The following CEP135 variants were observed in gnomAD, a reference collection of about 807,000 sequenced individuals.
CEP135 encodes the protein centrosomal protein of 135 kDa.
In CEP135, 142 loss-of-function variants were observed where a neutral mutation model predicts 157.3. The observed-to-expected ratio is 0.90, with a 90% CI of 0.79 to 1.04. CEP135 has a LOEUF of 1.04. Among genes scored for constraint, CEP135 ranks in the 50% least tolerant of loss-of-function variants. CEP135 has a pLI of 0.00. For missense variants in CEP135, 1,317 were observed against 1,309.2 expected (o/e 1.01, Z -0.09); for synonymous variants, 396 against 439.8 (o/e 0.90, Z 1.25).
At chr4:55,987,143 T>C (rs2109693936) in intron 14 of CEP135, among the ~76,000 whole-genome samples, 1 of 152,292 alleles carries the variant, frequency 6.6e-6, no homozygotes, top group South Asian at 2.1e-4. Context: ...TTTTCACTAC[T>C]GAGATAAAAC....
chr4:55,983,748 C>T (rs1461552601), intron 13 of CEP135, among the ~76,000 whole-genome samples: 1 of 152,140 alleles, frequency 6.6e-6, no homozygotes, highest in Non-Finnish European at 1.5e-5. Flanking sequence ...TCTCAAACCC[C>T]TGACCTCAGG....
rs561656951 is a variant in CEP135, at chr4:56,018,000, G to A, written c.3012+143G>A. The stretch of plus-strand genomic sequence containing the variant: ...TTTTGTGATGGAGTTTTGCTCTGTC[G>A]CTTAGGCTGGTGGAGTTCAGTGGTG... On this transcript the variant is annotated intron_variant, in intron 22 of 25. Coordinates refer to ENST00000257287, the MANE Select transcript of CEP135 (RefSeq NM_025009.5). The A allele has an allele frequency of 4.3e-4, 302 of 708,160 alleles. 1 individual carries two copies. In the South Asian group the frequency reaches 4.8e-3, roughly 11 times the overall value. The allele number at this position is 708,160 out of a possible 1,614,324, so 43.9% of individuals were successfully genotyped here.
chr4:56,018,688 A>G (rs902638836), intron 22 of CEP135, among the ~76,000 whole-genome samples: 1 of 152,056 alleles, frequency 6.6e-6, no homozygotes, highest in African/African-American at 2.4e-5. Context: ...TGAGCCCAGG[A>G]TGTCGAGGCC....
intron 6 of CEP135, 68 bp from the exon 7 acceptor site, chr4:55,964,206 T>C (rs1728772113): frequency 2.1e-6 from 3 of 1,415,022 alleles, no homozygotes; most frequent in Non-Finnish European, 2.9e-6. Flanking sequence ...CAAATAAATG[T>C]TTGTACAGTG....
Position 55,985,354 on chromosome 4 carries a change from A to C in CEP135, c.1853A>C (p.His618Pro). The C allele has an allele frequency of 6.4e-7, 1 of 1,573,520 alleles. No individual in the cohort carries two copies. Among genetic ancestry groups the C allele is most frequent in the Non-Finnish European group, 8.7e-7 (1 of 1,146,858 alleles). ...ATTGAACATTTGACATGTGTTAATC[A>C]TCAGGTAATGTATCAAACTGGATTT... Reference protein sequence around the residue: ...KTIEHLTCVNHQLESEKYELK... With the variant: ...KTIEHLTCVNPQLESEKYELK... The change falls in exon 14 of 26, where the codon CAT (histidine) becomes CCT (proline). Residue 618 changes from histidine to proline, a missense_variant. By Grantham distance (77) the His-to-Pro change is moderately conservative (BLOSUM62 -2). Coordinates refer to ENST00000257287, the MANE Select transcript of CEP135 (RefSeq NM_025009.5).
intron 21 of CEP135, among the ~76,000 whole-genome samples, chr4:56,014,710 C>T (rs1448808822): frequency 6.6e-6 from 1 of 151,968 alleles, no homozygotes; most frequent in East Asian, 1.9e-4. Context: ...AGAAATGGAG[C>T]AAGGAACTGA....
At chr4:55,958,923 A>C (rs1033387586) in intron 5 of CEP135, among the ~76,000 whole-genome samples, 1 of 152,106 alleles carries the variant, frequency 6.6e-6, no homozygotes, top group African/African-American at 2.4e-5. Context: ...TCTCTCTACA[A>C]AAAATTTAAA....
At chr4:56,009,642 T>G (rs1280807927) in intron 18 of CEP135, 93 bp from the exon 19 acceptor site, 5 of 1,067,738 alleles carry the variant, frequency 4.7e-6, no homozygotes, top group Non-Finnish European at 6.7e-6. Context: ...AGTATATTTG[T>G]ATTCTAAGTA....
intron 21 of CEP135, among the ~76,000 whole-genome samples, chr4:56,013,126 A>G (rs183188451): frequency 5.9e-5 from 9 of 152,130 alleles, no homozygotes; most frequent in Admixed American, 3.9e-4. Flanking sequence ...TCTGATTTGC[A>G]TTTCCTTAAT....
chr4:55,971,503 T>C, intron 10 of CEP135, 95 bp downstream of exon 10: 6 of 1,204,594 alleles, frequency 5.0e-6, no homozygotes, highest in Non-Finnish European at 6.9e-6. Context: ...ATTCATTCAA[T>C]AAATATTTGT....
At chr4:55,966,659 A>T (rs988425994) in intron 8 of CEP135, 1 of 152,002 alleles carries the variant, frequency 6.6e-6, no homozygotes, top group African/African-American at 2.4e-5. Context: ...TAATTTTTTG[A>T]TTTTTTGCAG....
At chr4:56,005,246 G>A (rs1401716781) in intron 17 of CEP135, among the ~76,000 whole-genome samples, 4 of 151,916 alleles carry the variant, frequency 2.6e-5, no homozygotes, top group Non-Finnish European at 4.4e-5. Flanking sequence ...CAAGTTTAAC[G>A]TAGTGAGACC....
intron 7 of CEP135, chr4:55,964,864 A>C (rs1728793841): frequency 6.6e-6 from 1 of 151,370 alleles, no homozygotes; most frequent in Non-Finnish European, 1.5e-5. Context: ...AATATATATA[A>C]AAATTAAATA....
In CEP135 at chr4:56,008,192, T is replaced by C. The variant is rs1254051247; in HGVS notation, c.2281-135T>C. Reference sequence around the variant, plus strand: ...GTATGATTGGGACATGGAGATATGTTTACTTGGAGCTTTGTTTTAGGCATA... The same window carrying C: ...GTATGATTGGGACATGGAGATATGTCTACTTGGAGCTTTGTTTTAGGCATA... On this transcript the variant is annotated intron_variant, in intron 17 of 25. Coordinates refer to ENST00000257287, the MANE Select transcript of CEP135 (RefSeq NM_025009.5). 10 of 615,862 alleles carry C rather than the reference T, an allele frequency of 1.6e-5. No individual in the cohort carries two copies. In the East Asian group the frequency reaches 2.9e-4, roughly 18 times the overall value. The allele number at this position is 615,862 out of a possible 1,614,324, so 38.1% of individuals were successfully genotyped here.
rs28744399 is a variant in CEP135 at position 56,019,809 on chromosome 4, C to T, written c.3215+254C>T. Reference sequence around the variant, plus strand: ...AAAAAAAAAGCCAGGCGTGGTGGCACACACCTATAGTCCCAGCTACTCAGG... The same window carrying T: ...AAAAAAAAAGCCAGGCGTGGTGGCATACACCTATAGTCCCAGCTACTCAGG... On this transcript the variant is annotated intron_variant, in intron 23 of 25. Transcript: ENST00000257287. Among the ~76,000 whole-genome samples, 972 of 151,636 alleles carry T rather than the reference C, an allele frequency of 6.4e-3. 11 individuals are homozygous for T. The highest frequency in any genetic ancestry group is 0.023 in the African/African-American group (935 of 41,346).
At chr4:56,024,473 ATC>A (rs1731083241) in intron 24 of CEP135, 26 bp from the exon 25 acceptor site, 1 of 1,550,516 alleles carries the variant, frequency 6.4e-7, no homozygotes, top group Non-Finnish European at 8.9e-7. Context: ...GCTTGAATAT[ATC>A]TCTCTTGTTT....
Position 55,985,312 on chromosome 4 carries a change from CAGAATT to C in CEP135, c.1815_1820del (p.Leu606_Glu607del). ...GAAGAAGTGAGTCTTTTTGGAAAATCAGAATTAGAGAAAACTATTGAACATTTGACA... is the reference window on the plus strand; with the variant it reads ...GAAGAAGTGAGTCTTTTTGGAAAATCAGAGAAAACTATTGAACATTTGACA... On this transcript the variant is annotated inframe_deletion, in exon 14 of 26. Coordinates refer to ENST00000257287, the MANE Select transcript of CEP135 (RefSeq NM_025009.5). The C allele has an allele frequency of 6.3e-7, 1 of 1,593,024 alleles. No homozygotes were observed. The highest frequency in any genetic ancestry group is 8.6e-7 in the Non-Finnish European group (1 of 1,162,610).
chr4:55,952,044 A>C, intron 1 of CEP135, 42 bp from the exon 2 acceptor site: 3 of 615,638 alleles, frequency 4.9e-6, no homozygotes, highest in Admixed American at 5.4e-5. Context: ...AACAACAATC[A>C]TAGCTATAAT....
chr4:56,005,718 G>A (rs372180955), intron 17 of CEP135, among the ~76,000 whole-genome samples: 4 of 151,986 alleles, frequency 2.6e-5, no homozygotes, highest in East Asian at 3.9e-4. Flanking sequence ...TTTTCTTTTT[G>A]CACGTTAGTT....
Sources: gnomAD v4.1 joint callset for allele counts (sites outside exome capture counted in the v4.1 genomes callset) on GRCh38, gnomAD v4.1.1 for gene constraint, MANE v1.5 for transcripts, NCBI Gene and HGNC (gene_info 2026-07-23, HGNC 2026-07-21) for gene names.